Variants in SOCS5 observed in about 807,000 individuals in gnomAD.
The protein encoded by SOCS5 is suppressor of cytokine signaling 5, also known as CIS-6.
SOCS5 carries 32 observed loss-of-function variants against 42.8 expected under a neutral mutation model. The observed-to-expected ratio is 0.75, with a 90% CI of 0.56 to 1.01. The LOEUF (loss-of-function observed/expected upper bound fraction) is 1.01, where lower values mean the gene tolerates loss of function less well. SOCS5 is among the 50% of genes least tolerant of loss of function. The pLI is 0.00. For synonymous variants in SOCS5, 283 were observed against 229.6 expected (o/e 1.23, Z -2.10); for missense variants, 627 against 653.0 (o/e 0.96, Z 0.43).
At chr2:46,756,392 G>T (rs1313342680) in intron 1 of SOCS5, among the ~76,000 whole-genome samples, 2 of 152,140 alleles carry the variant, frequency 1.3e-5, no homozygotes, top group Non-Finnish European at 2.9e-5. Context: ...CAGACTACAT[G>T]TGGTCTCTGT....
At chr2:46,739,795 A>G (rs766641241) in intron 1 of SOCS5, among the ~76,000 whole-genome samples, 19 of 152,304 alleles carry the variant, frequency 1.2e-4, no homozygotes, top group Admixed American at 3.3e-4. Flanking sequence ...ACATATGTAT[A>G]CATGTCAGTA....
rs2103768539 is a variant in SOCS5, at chr2:46,760,261, A to C, written c.*120A>C. 1.4e-6 allele frequency: 1 copy of C among 695,240 alleles called. No homozygotes were observed. The highest frequency in any genetic ancestry group is 1.9e-5 in the South Asian group (1 of 52,302). The allele number at this position is 695,240 out of a possible 1,614,324, so 43.1% of individuals were successfully genotyped here. A position where few individuals can be genotyped will look rare whatever the true frequency, so the allele number is the denominator to read the frequency against. ...TCATACAGTATGTAAGCTTAGTGTT[A>C]GTATCTGTCAGATGCTACCTGCTGT... On this transcript the variant is annotated 3_prime_UTR_variant, in exon 2 of 2. Transcript: ENST00000394861.
chr2:46,706,131 AT>A, intron 1 of SOCS5, among the ~76,000 whole-genome samples: 1 of 152,324 alleles, frequency 6.6e-6, no homozygotes, highest in Non-Finnish European at 1.5e-5. Flanking sequence ...GGGTTATCAT[AT>A]TTTGACTGTT....
Position 46,699,381 on chromosome 2 carries a change from T to A in SOCS5, c.-81T>A, listed in dbSNP as rs1162010350. On this transcript the variant is annotated 5_prime_UTR_variant, in exon 1 of 2. Transcript: ENST00000394861. The surrounding 1 kb of genome is among the most constrained non-coding windows in gnomAD (Gnocchi z 4.8). ...CAGGCGGACTCGCCCTGTCGGTGAC[T>A]GCGCCGTCCGGGCCCGTCCTGCCTG... The A allele has an allele frequency of 1.3e-5, 2 of 151,918 alleles. No individual in the cohort carries two copies. The highest frequency in any genetic ancestry group is 2.9e-5 in the Non-Finnish European group (2 of 67,910). The allele number at this position is 151,918 out of a possible 1,614,324, so 9.4% of individuals were successfully genotyped here.
chr2:46,700,776 C>G (rs1672324971), intron 1 of SOCS5, among the ~76,000 whole-genome samples: 1 of 152,112 alleles, frequency 6.6e-6, no homozygotes, highest in Admixed American at 6.5e-5. Context: ...GTGGTGGTCT[C>G]CAGAGTGCAC....
chr2:46,748,450 G>A lies in SOCS5; in HGVS notation c.-12-10069G>A, dbSNP rs57744056. On this transcript the variant is annotated intron_variant, in intron 1 of 1. Coordinates refer to ENST00000394861, the MANE Select transcript of SOCS5 (RefSeq NM_144949.3). ...GATCCTCCTGCCTCAGCCTCCAAAAGTGTTGGGATTATAAGCATGAGCCAC... is the reference window on the plus strand; with the variant it reads ...GATCCTCCTGCCTCAGCCTCCAAAAATGTTGGGATTATAAGCATGAGCCAC... Among the ~76,000 whole-genome samples the A allele has an allele frequency of 8.7e-3, 1,325 of 152,152 alleles. 22 individuals are homozygous for A. The highest frequency in any genetic ancestry group is 0.03 in the African/African-American group (1,255 of 41,490).
intron 1 of SOCS5, among the ~76,000 whole-genome samples, chr2:46,713,517 T>G (rs1250227111): frequency 1.3e-5 from 2 of 152,264 alleles, no homozygotes; most frequent in Non-Finnish European, 2.9e-5. Context: ...TTCCTTCTTT[T>G]ATTCTTGAGA....
rs2103680580 is a variant in SOCS5, at chr2:46,699,568, C to A, written c.-13+119C>A. 6.6e-6 allele frequency: 1 copy of A among 151,368 alleles called. No individual in the cohort carries two copies. Among genetic ancestry groups the A allele is most frequent in the South Asian group, 2.0e-4 (1 of 5,000 alleles). The allele number at this position is 151,368 out of a possible 1,614,324, so 9.4% of individuals were successfully genotyped here. On this transcript the variant is annotated intron_variant, in intron 1 of 1. Transcript: ENST00000394861. The surrounding 1 kb of genome is among the most constrained non-coding windows in gnomAD (Gnocchi z 4.8). ...CCCGGCGCATTCCGCCCCCGGCTGT[C>A]GCCCCCGCACCGCGGCGGAGGCAGC...
rs1300566363 is a variant in SOCS5 at position 46,759,466 on chromosome 2, G to A, written c.936G>A (p.Gly312=). 3.1e-6 allele frequency: 5 copies of A among 1,613,796 alleles called. No homozygotes were observed. In the East Asian group the frequency reaches 1.1e-4, roughly 36 times the overall value. ...CTCCTGGAATGACTGAAATAAGTGG[G>A]GACAGTTCTGCAATTCCACAAGCTA... ...KLAPGMTEIS[G]DSSAIPQANC... is the part of the protein sequence containing the mutation. Residue 312 remains glycine, a synonymous_variant, in exon 2 of 2, where the codon GGG becomes GGA. Transcript: ENST00000394861.
intron 1 of SOCS5, among the ~76,000 whole-genome samples, chr2:46,742,849 A>G (rs1269508776): frequency 6.6e-6 from 1 of 152,056 alleles, no homozygotes; most frequent in African/African-American, 2.4e-5. Context: ...TATTTTTAGT[A>G]GAGACGGGGT....
chr2:46,702,583 T>C (rs1470608344), intron 1 of SOCS5, among the ~76,000 whole-genome samples: 1 of 152,254 alleles, frequency 6.6e-6, no homozygotes, highest in East Asian at 1.9e-4. Context: ...AGGTCTATTA[T>C]TGATCTCAGC....
chr2:46,759,031 T>G lies in SOCS5; in HGVS notation c.501T>G (p.Val167=). The change falls in exon 2 of 2, where the codon GTT becomes GTG. Residue 167 remains valine, a synonymous_variant. Transcript: ENST00000394861. ...GTTCTGTACACGACATGGACAGTGT[T>G]TCCAGCAGAACTGTAGGAAGTCGCT... ...GVSSVHDMDS[V]SSRTVGSRSL... is the part of the protein sequence containing the mutation. 2 of 1,613,970 alleles carry G rather than the reference T, an allele frequency of 1.2e-6. No homozygotes were observed. The highest frequency in any genetic ancestry group is 8.5e-7 in the Non-Finnish European group (1 of 1,179,846).
At chr2:46,729,689 G>A (rs1027222196) in intron 1 of SOCS5, among the ~76,000 whole-genome samples, 2 of 152,188 alleles carry the variant, frequency 1.3e-5, no homozygotes, top group African/African-American at 2.4e-5. Context: ...GTGAGTGAGT[G>A]AGTGGTGTGT....
chr2:46,726,222 G>T (rs1454354252), intron 1 of SOCS5, among the ~76,000 whole-genome samples: 2 of 152,098 alleles, frequency 1.3e-5, no homozygotes, highest in African/African-American at 4.8e-5. Flanking sequence ...TCAGCCTCCT[G>T]AGTAGTTGGG....
In SOCS5 at chr2:46,759,899, G is replaced by T; in HGVS notation, c.1369G>T (p.Glu457Ter). The T allele has an allele frequency of 6.2e-7, 1 of 1,614,110 alleles. No individual in the cohort carries two copies. Among genetic ancestry groups the T allele is most frequent in the Non-Finnish European group, 8.5e-7 (1 of 1,180,000 alleles). ...FHSSTVTGLL[E>*]HYKDPSSCMF... Reference sequence around the variant, plus strand: ...CTCCTCCACTGTAACGGGACTTTTAGAACATTATAAAGATCCCAGTTCGTG... The same window carrying T: ...CTCCTCCACTGTAACGGGACTTTTATAACATTATAAAGATCCCAGTTCGTG... Residue 457 changes from glutamate (E) to a stop codon, truncating the protein, a stop_gained, in exon 2 of 2, where the codon GAA (glutamate) becomes TAA (stop). Coordinates refer to ENST00000394861, the MANE Select transcript of SOCS5 (RefSeq NM_144949.3). LOFTEE classifies it high-confidence loss of function.
At chr2:46,743,147 G>C (rs189023019) in intron 1 of SOCS5, among the ~76,000 whole-genome samples, 1 of 151,940 alleles carries the variant, frequency 6.6e-6, no homozygotes, top group Non-Finnish European at 1.5e-5. Context: ...TCCTTCCACT[G>C]CATATATGTA....
chr2:46,726,278 A>G (rs1372425332), intron 1 of SOCS5, among the ~76,000 whole-genome samples: 1 of 151,868 alleles, frequency 6.6e-6, no homozygotes, highest in Non-Finnish European at 1.5e-5. Flanking sequence ...TTGTATTTTT[A>G]GTAGAGACGT....
chr2:46,723,655 A>C (rs1326779876), intron 1 of SOCS5, among the ~76,000 whole-genome samples: 1 of 152,018 alleles, frequency 6.6e-6, no homozygotes, highest in African/African-American at 2.4e-5. Context: ...TCCCTATATT[A>C]CAGAATGTTT....
In SOCS5 at chr2:46,735,024, A is replaced by G. The variant is rs142113768; in HGVS notation, c.-12-23495A>G. 1.8e-3 allele frequency among the ~76,000 whole-genome samples: 270 copies of G among 152,286 alleles called. No individual in the cohort carries two copies. In the Middle Eastern group the frequency reaches 0.024, roughly 13 times the overall value. ...TTTTCCACTTGGCACATAGCTATTC[A>G]GTCATTAAAACCTAGCTCATGATCA... On this transcript the variant is annotated intron_variant, in intron 1 of 1. Transcript: ENST00000394861.
Sources: allele counts gnomAD v4.1 joint callset (sites outside exome capture counted in the v4.1 genomes callset), GRCh38; gene constraint gnomAD v4.1.1; non-coding constraint Gnocchi (gnomAD v3.1); transcripts MANE v1.5; gene names NCBI Gene and HGNC (gene_info 2026-07-23, HGNC 2026-07-21).